The following CTNNA3 variants were observed in gnomAD, a reference collection of about 807,000 sequenced individuals.
CTNNA3 encodes the protein catenin alpha-3.
CTNNA3 carries 76 observed loss-of-function variants against 95.7 expected under a neutral mutation model. That is an observed-to-expected ratio of 0.79 (90% confidence interval 0.66 to 0.96). CTNNA3 has a LOEUF of 0.96. Ranked by LOEUF, CTNNA3 falls within the 40% of genes least tolerant of loss-of-function variation. CTNNA3 has a pLI of 0.00. For synonymous variants in CTNNA3, 431 were observed against 374.4 expected (o/e 1.15, Z -1.74); for missense variants, 1,191 against 1,089.8 (o/e 1.09, Z -1.31).
intron 10 of CTNNA3, among the ~76,000 whole-genome samples, chr10:66,573,016 G>T (rs191268271): frequency 1.5e-4 from 23 of 152,256 alleles, no homozygotes; most frequent in African/African-American, 5.3e-4. Context: ...CTGATTACAA[G>T]TGTCTGTGCA....
intron 7 of CTNNA3, among the ~76,000 whole-genome samples, chr10:66,973,100 C>A (rs1463667986): frequency 3.3e-5 from 5 of 152,086 alleles, no homozygotes; most frequent in Non-Finnish European, 5.9e-5. Context: ...TGCTTCTCAG[C>A]CTTTTGGCTA....
intron 5 of CTNNA3, chr10:67,403,496 G>A (rs1281208316): frequency 6.6e-6 from 1 of 152,482 alleles, no homozygotes; most frequent in African/African-American, 2.4e-5. Context: ...TGCTGGGCAG[G>A]TCCTCCCAAC....
intron 11 of CTNNA3, among the ~76,000 whole-genome samples, chr10:66,462,020 C>T (rs2093533388): frequency 6.6e-6 from 1 of 151,982 alleles, no homozygotes; most frequent in Non-Finnish European, 1.5e-5. Context: ...ATCATGTTGG[C>T]CAGGCTGGTC....
intron 7 of CTNNA3, among the ~76,000 whole-genome samples, chr10:67,150,551 T>C (rs1861043324): frequency 6.6e-6 from 1 of 152,194 alleles, no homozygotes; most frequent in Admixed American, 6.5e-5. Flanking sequence ...GGAGAATTAA[T>C]CCAATTATAA....
At chr10:66,854,941 A>G (rs376951995) in intron 7 of CTNNA3, among the ~76,000 whole-genome samples, 1 of 151,898 alleles carries the variant, frequency 6.6e-6, no homozygotes, top group Non-Finnish European at 1.5e-5. Flanking sequence ...GTCTCTTCTA[A>G]TGTCTAGAAA....
intron 13 of CTNNA3, among the ~76,000 whole-genome samples, chr10:66,114,766 C>T (rs2082258762): frequency 6.6e-6 from 1 of 151,666 alleles, no homozygotes; most frequent in Non-Finnish European, 1.5e-5. Context: ...GTAATCCCAG[C>T]TTCTCGGGAG....
intron 9 of CTNNA3, among the ~76,000 whole-genome samples, chr10:66,642,692 AC>A (rs1385168562): frequency 6.6e-6 from 1 of 152,178 alleles, no homozygotes; most frequent in Non-Finnish European, 1.5e-5. Context: ...TTAAAAGCCT[AC>A]AGTTACCAAT....
intron 1 of CTNNA3, among the ~76,000 whole-genome samples, chr10:67,670,068 C>A (rs183411337): frequency 6.6e-6 from 1 of 152,128 alleles, no homozygotes; most frequent in East Asian, 1.9e-4. Flanking sequence ...GAATACCGAA[C>A]TAAACACAAA....
intron 14 of CTNNA3, among the ~76,000 whole-genome samples, chr10:66,088,600 G>C (rs1170246152): frequency 6.7e-6 from 1 of 149,494 alleles, no homozygotes; most frequent in African/African-American, 2.4e-5. Flanking sequence ...AGAAGACAAA[G>C]AGAATGCACT....
chr10:66,940,769 C>T (rs1045238854), intron 7 of CTNNA3, among the ~76,000 whole-genome samples: 1 of 151,970 alleles, frequency 6.6e-6, no homozygotes, highest in Non-Finnish European at 1.5e-5. Flanking sequence ...CACAGTAGCC[C>T]ACTGACTGGT....
At chr10:66,959,408 T>C (rs1321334438) in intron 7 of CTNNA3, among the ~76,000 whole-genome samples, 6 of 152,178 alleles carry the variant, frequency 3.9e-5, no homozygotes, top group African/African-American at 1.2e-4. Flanking sequence ...CTTTAAATCA[T>C]TTATTTTATG....
intron 1 of CTNNA3, among the ~76,000 whole-genome samples, chr10:67,754,703 A>G (rs1288222910): frequency 6.6e-6 from 1 of 152,200 alleles, no homozygotes; most frequent in Non-Finnish European, 1.5e-5. Flanking sequence ...TATCAAGATA[A>G]AAGTCTTCTG....
intron 15 of CTNNA3, among the ~76,000 whole-genome samples, chr10:66,020,874 C>G (rs1011687797): frequency 6.6e-6 from 1 of 151,924 alleles, no homozygotes; most frequent in Non-Finnish European, 1.5e-5. Context: ...GGGGTTTCAC[C>G]GTGTTAGCCA....
intron 13 of CTNNA3, among the ~76,000 whole-genome samples, chr10:66,195,418 T>C (rs1054005923): frequency 1.2e-4 from 19 of 152,174 alleles, no homozygotes; most frequent in African/African-American, 4.6e-4. Flanking sequence ...TCTGATATCA[T>C]GGATAATGTA....
chr10:66,462,516 T>A (rs1295274355), intron 11 of CTNNA3, among the ~76,000 whole-genome samples: 1 of 152,128 alleles, frequency 6.6e-6, no homozygotes, highest in Non-Finnish European at 1.5e-5. Flanking sequence ...CCTATTCCAT[T>A]TATTAATATC....
In CTNNA3 at chr10:67,539,518, C is replaced by T; in HGVS notation, c.444G>A (p.Leu148=). The stretch of plus-strand genomic sequence containing the variant: ...TTTTACTTACAGCTGACACATGTTG[C>T]AAGAGGCACATGACATCAATCATGT... The part of the protein sequence containing the change: ...LADMIDVMCL[L]QHVSAFQRTF... Residue 148 remains leucine (L), a synonymous_variant, in exon 4 of 18, where the codon TTG becomes TTA. Transcript: ENST00000433211. 1 of 1,613,288 alleles carries T rather than the reference C, an allele frequency of 6.2e-7. No individual in the cohort carries two copies. The highest frequency in any genetic ancestry group is 8.5e-7 in the Non-Finnish European group (1 of 1,179,464).
intron 13 of CTNNA3, among the ~76,000 whole-genome samples, chr10:66,198,003 GA>G (rs1374922103): frequency 6.6e-6 from 1 of 152,086 alleles, no homozygotes; most frequent in Non-Finnish European, 1.5e-5. Flanking sequence ...TGTAGGAGGA[GA>G]AAAATAGGGT....
At chr10:66,379,791 A>G (rs1037237609) in intron 11 of CTNNA3, among the ~76,000 whole-genome samples, 1 of 152,218 alleles carries the variant, frequency 6.6e-6, no homozygotes. Context: ...AATGAATTCC[A>G]GAGAAAGTTG....
intron 5 of CTNNA3, among the ~76,000 whole-genome samples, chr10:67,451,709 T>C (rs1293943410): frequency 2.0e-5 from 3 of 152,208 alleles, no homozygotes; most frequent in African/African-American, 7.2e-5. Flanking sequence ...AACTAGAATT[T>C]GATACTTCAT....
Sources: allele counts gnomAD v4.1 joint callset (sites outside exome capture counted in the v4.1 genomes callset), GRCh38; gene constraint gnomAD v4.1.1; transcripts MANE v1.5; gene names NCBI Gene and HGNC (gene_info 2026-07-23, HGNC 2026-07-21).